MYO16: variants seen among roughly 807,000 people sequenced by gnomAD.
MYO16 encodes unconventional myosin-XVI.
A neutral mutation model predicts 205.3 loss-of-function variants in MYO16; 94 were observed. That is an observed-to-expected ratio of 0.46 (90% CI 0.39 to 0.54). The LOEUF (loss-of-function observed/expected upper bound fraction) is 0.54. Among genes scored for constraint, MYO16 ranks in the 20% least tolerant of loss-of-function variants. The pLI is 0.00. For synonymous variants in MYO16, 988 were observed against 954.0 expected (o/e 1.04, Z -0.66); for missense variants, 2,315 against 2,387.5 (o/e 0.97, Z 0.63).
intron 2 of MYO16, among the ~76,000 whole-genome samples, chr13:108,689,047 A>G (rs1029468755): frequency 6.6e-6 from 1 of 152,190 alleles, no homozygotes; most frequent in Non-Finnish European, 1.5e-5. Flanking sequence ...TATATTTAAT[A>G]CAAATTATAA....
chr13:108,615,552 A>G (rs1196847214), intron 1 of MYO16, among the ~76,000 whole-genome samples: 1 of 152,134 alleles, frequency 6.6e-6, no homozygotes, highest in African/African-American at 2.4e-5. Context: ...AAACAACCTA[A>G]GTGTCCATCT....
chr13:108,695,028 CTT>C (rs1183595138), intron 2 of MYO16, among the ~76,000 whole-genome samples: 1 of 152,210 alleles, frequency 6.6e-6, no homozygotes, highest in Non-Finnish European at 1.5e-5. Flanking sequence ...AGGAGAATCT[CTT>C]GAACCCGGGA....
At position 109,135,412 on chromosome 13, in the gene MYO16, T is replaced by G. The variant is rs536649162; in HGVS notation, c.4052-4852T>G. Reference sequence around the variant, plus strand: ...TCTTGGTTCCCCACTTTTTGACTAATAATTCCCAATCCACAAGAGGTGACT... The same window carrying G: ...TCTTGGTTCCCCACTTTTTGACTAAGAATTCCCAATCCACAAGAGGTGACT... On this transcript the variant is annotated intron_variant, in intron 31 of 34. Coordinates refer to ENST00000457511, the MANE Select transcript of MYO16 (RefSeq NM_001198950.3). 2.6e-5 allele frequency among the ~76,000 whole-genome samples: 4 copies of G among 152,358 alleles called. No homozygotes were observed. In the East Asian group the frequency reaches 7.7e-4, roughly 29 times the overall value.
chr13:109,049,912 T>C (rs1175733938), intron 24 of MYO16, among the ~76,000 whole-genome samples: 1 of 149,678 alleles, frequency 6.7e-6, no homozygotes, highest in Admixed American at 6.7e-5. Flanking sequence ...GTTCTCCTCT[T>C]TCCTTCCTTT....
intron 10 of MYO16, among the ~76,000 whole-genome samples, chr13:108,853,742 A>G (rs1229062760): frequency 5.9e-5 from 9 of 151,900 alleles, no homozygotes. Flanking sequence ...AGCTGGGACT[A>G]CAGTGCACAT....
chr13:108,747,122 C>T (rs535149841), intron 4 of MYO16, among the ~76,000 whole-genome samples: 10 of 152,144 alleles, frequency 6.6e-5, no homozygotes, highest in Non-Finnish European at 1.3e-4. Flanking sequence ...TGAGCCAACA[C>T]ATTGCCAGCA....
At chr13:108,947,572 C>T (rs545413660) in intron 16 of MYO16, among the ~76,000 whole-genome samples, 1 of 152,326 alleles carries the variant, frequency 6.6e-6, no homozygotes, top group South Asian at 2.1e-4. Context: ...GTGTGTGTTT[C>T]TGGCTGTGTT....
intron 16 of MYO16, among the ~76,000 whole-genome samples, chr13:108,920,587 T>C (rs935939890): frequency 1.3e-5 from 2 of 152,068 alleles, no homozygotes; most frequent in African/African-American, 4.8e-5. Context: ...GCCTCCCGAG[T>C]AGCTGGGATT....
At chr13:108,872,141 G>A (rs1440646637) in intron 12 of MYO16, among the ~76,000 whole-genome samples, 1 of 152,130 alleles carries the variant, frequency 6.6e-6, no homozygotes, top group Non-Finnish European at 1.5e-5. Context: ...CCAATTTAAA[G>A]TTACTATTGA....
At chr13:109,098,671 G>C (rs1888856750) in intron 27 of MYO16, among the ~76,000 whole-genome samples, 1 of 152,170 alleles carries the variant, frequency 6.6e-6, no homozygotes, top group African/African-American at 2.4e-5. Context: ...GATTCAGAAA[G>C]CTGTAGTGGA....
chr13:108,867,864 C>T (rs1027175538), intron 12 of MYO16, among the ~76,000 whole-genome samples: 3 of 152,150 alleles, frequency 2.0e-5, no homozygotes, highest in African/African-American at 7.2e-5. Flanking sequence ...CAACTACTCT[C>T]GCCCTCCGCT....
At chr13:108,881,392 A>G (rs1409640997) in intron 12 of MYO16, among the ~76,000 whole-genome samples, 1 of 152,228 alleles carries the variant, frequency 6.6e-6, no homozygotes, top group African/African-American at 2.4e-5. Flanking sequence ...CTTCTCTTCC[A>G]AAGGAACGCA....
At chr13:108,601,053 T>C (rs992930774) in intron 1 of MYO16, among the ~76,000 whole-genome samples, 1 of 152,126 alleles carries the variant, frequency 6.6e-6, no homozygotes, top group Non-Finnish European at 1.5e-5. Flanking sequence ...ACTCAGCAGG[T>C]AGGGTGTTTT....
At chr13:108,751,694 C>T (rs1395334578) in intron 4 of MYO16, among the ~76,000 whole-genome samples, 5 of 152,118 alleles carry the variant, frequency 3.3e-5, no homozygotes, top group Admixed American at 2.6e-4. Flanking sequence ...ACCGATATTA[C>T]ACACCCTTCA....
chr13:108,540,457 A>C, the MYO16 span, among the ~76,000 whole-genome samples: 5 of 152,220 alleles, frequency 3.3e-5, no homozygotes, highest in South Asian at 2.1e-4. Flanking sequence ...ATCCAAAAGA[A>C]GTGAATCTGG....
chr13:108,823,439 T>A (rs1876091206), intron 9 of MYO16, among the ~76,000 whole-genome samples, 161 bp downstream of exon 9: 1 of 152,152 alleles, frequency 6.6e-6, no homozygotes, highest in Non-Finnish European at 1.5e-5. Flanking sequence ...GAGTTAAACA[T>A]AATTTTATTT....
chr13:108,760,233 A>G (rs1885560628), intron 4 of MYO16, among the ~76,000 whole-genome samples: 1 of 152,236 alleles, frequency 6.6e-6, no homozygotes, highest in Non-Finnish European at 1.5e-5. Context: ...AACAGCAGCA[A>G]TTTAGGCTGG....
chr13:109,025,675 A>G (rs1435792668), intron 23 of MYO16, among the ~76,000 whole-genome samples: 2 of 152,206 alleles, frequency 1.3e-5, no homozygotes, highest in Non-Finnish European at 2.9e-5. Flanking sequence ...TTTATTGGCT[A>G]TTAAAATTAA....
At chr13:109,191,092 G>A (rs1275845314) in intron 34 of MYO16, among the ~76,000 whole-genome samples, 1 of 151,964 alleles carries the variant, frequency 6.6e-6, no homozygotes, top group Admixed American at 6.6e-5. Flanking sequence ...CGTGGCAGGC[G>A]CTTGTAATCC....
Sources: allele counts gnomAD v4.1 joint callset (sites outside exome capture counted in the v4.1 genomes callset), GRCh38; gene constraint gnomAD v4.1.1; transcripts MANE v1.5; gene names NCBI Gene and HGNC (gene_info 2026-07-23, HGNC 2026-07-21).